The following FILIP1L variants were observed in gnomAD, a reference collection of about 807,000 sequenced individuals.
FILIP1L encodes filamin A-interacting protein 1-like.
Under a neutral mutation model 96.6 loss-of-function variants are expected in FILIP1L, and 55 were observed. That is an observed-to-expected ratio of 0.57 (90% CI 0.46 to 0.71). The LOEUF (loss-of-function observed/expected upper bound fraction) is 0.71. Ranked by LOEUF, FILIP1L falls within the 30% of genes least tolerant of loss-of-function variation. FILIP1L has a pLI of 0.00. For synonymous variants in FILIP1L, 467 were observed against 473.9 expected (o/e 0.99, Z 0.19); for missense variants, 1,304 against 1,321.2 (o/e 0.99, Z 0.20).
At chr3:100,046,739 A>C (rs896119987) in intron 1 of FILIP1L, among the ~76,000 whole-genome samples, 1 of 152,212 alleles carries the variant, frequency 6.6e-6, no homozygotes, top group Non-Finnish European at 1.5e-5. Context: ...AAATGCTCTC[A>C]AGATGGTTTT....
chr3:100,016,973 T>C (rs1262081015), intron 1 of FILIP1L, among the ~76,000 whole-genome samples: 1 of 152,206 alleles, frequency 6.6e-6, no homozygotes, highest in Non-Finnish European at 1.5e-5. Flanking sequence ...TTACATAAGA[T>C]TTGCTTTAAT....
At chr3:99,925,802 A>C in intron 3 of FILIP1L, 1 of 967,462 alleles carries the variant, frequency 1.0e-6, no homozygotes. Flanking sequence ...AGTAAAGAAC[A>C]TGCCAGTGGC....
At chr3:99,939,928 T>G (rs1412127481) in intron 1 of FILIP1L, among the ~76,000 whole-genome samples, 1 of 152,224 alleles carries the variant, frequency 6.6e-6, no homozygotes, top group African/African-American at 2.4e-5. Flanking sequence ...ATTTACTCTC[T>G]TTTTAGTTTG....
At chr3:99,915,186 C>T (rs529804045) in intron 4 of FILIP1L, among the ~76,000 whole-genome samples, 2 of 152,248 alleles carry the variant, frequency 1.3e-5, no homozygotes, top group South Asian at 2.1e-4. Context: ...CTCCCATGAC[C>T]ATGCTAACCG....
chr3:99,939,837 T>C (rs1286391126), intron 1 of FILIP1L, among the ~76,000 whole-genome samples: 1 of 152,246 alleles, frequency 6.6e-6, no homozygotes, highest in Non-Finnish European at 1.5e-5. Flanking sequence ...TCAATAATTT[T>C]AGTTTACAAA....
rs528833528 is a variant in FILIP1L at position 99,926,537 on chromosome 3, A to G, written c.427-2129T>C. 2.1e-3 allele frequency among the ~76,000 whole-genome samples: 324 copies of G among 152,366 alleles called. 1 individual carries two copies. Among genetic ancestry groups the G allele is most frequent in the African/African-American group, 7.3e-3 (305 of 41,586 alleles). Reference sequence around the variant, plus strand: ...TGCAATTTGAGAGTGAAATAGTGATAGGATCAGCTTTACTTTAGGGAAGTT... The same window carrying G: ...TGCAATTTGAGAGTGAAATAGTGATGGGATCAGCTTTACTTTAGGGAAGTT... On this transcript the variant is annotated intron_variant, in intron 3 of 5. Transcript: ENST00000477258.
At chr3:100,067,370 ACTAAGCAC>A (rs1295182217) in intron 1 of FILIP1L, among the ~76,000 whole-genome samples, 8 of 152,346 alleles carry the variant, frequency 5.3e-5, no homozygotes, top group Admixed American at 3.3e-4. Flanking sequence ...AAAGCAGGTA[ACTAAGCAC>A]CCTGGTGAAG....
chr3:100,105,428 A>T (rs949923113), intron 1 of FILIP1L, among the ~76,000 whole-genome samples: 1 of 152,206 alleles, frequency 6.6e-6, no homozygotes, highest in African/African-American at 2.4e-5. Context: ...TGCAATTCGT[A>T]TCTAACAATT....
intron 1 of FILIP1L, among the ~76,000 whole-genome samples, chr3:99,951,498 T>A (rs1403007346): frequency 6.6e-6 from 1 of 152,142 alleles, no homozygotes; most frequent in Non-Finnish European, 1.5e-5. Flanking sequence ...TAGTCCAGTC[T>A]CCCTGGTAAA....
At chr3:99,902,217 CA>C (rs1425239285) in intron 4 of FILIP1L, among the ~76,000 whole-genome samples, 1 of 152,142 alleles carries the variant, frequency 6.6e-6, no homozygotes. Flanking sequence ...TACCATGTGA[CA>C]TTTTTTTGAG....
At chr3:99,892,073 G>T (rs1460011796) in intron 4 of FILIP1L, among the ~76,000 whole-genome samples, 1 of 152,186 alleles carries the variant, frequency 6.6e-6, no homozygotes, top group Non-Finnish European at 1.5e-5. Context: ...GATGGTCTAA[G>T]AGCTTCTGCT....
chr3:100,020,834 C>A (rs748980911), intron 1 of FILIP1L, among the ~76,000 whole-genome samples: 16 of 121,890 alleles, frequency 1.3e-4, no homozygotes, highest in Middle Eastern at 7.2e-3. Flanking sequence ...GTGGCACGAT[C>A]TCAGCTCACT....
Position 99,848,871 on chromosome 3 carries a change from C to T in FILIP1L, c.2805G>A (p.Val935=). 1 of 1,614,070 alleles carries T rather than the reference C, an allele frequency of 6.2e-7. No individual in the cohort carries two copies. Among genetic ancestry groups the T allele is most frequent in the Non-Finnish European group, 8.5e-7 (1 of 1,180,000 alleles). Residue 935 remains valine (V), a synonymous_variant, in exon 5 of 6, where the codon GTG becomes GTA. Transcript: ENST00000477258. ...GCTTTGGCGTGCCACAGTTCGGTATCACTGCAGTACTCGTGTAAGAGTGAG... is the reference window on the plus strand; with the variant it reads ...GCTTTGGCGTGCCACAGTTCGGTATTACTGCAGTACTCGTGTAAGAGTGAG... ...ESPHSYTSTA[V]IPNCGTPKQR...
rs751454474 is a variant in FILIP1L, at chr3:99,850,003, T to C, written c.1673A>G (p.Tyr558Cys). 6.2e-7 allele frequency: 1 copy of C among 1,608,700 alleles called. No individual in the cohort carries two copies. The highest frequency in any genetic ancestry group is 8.5e-7 in the Non-Finnish European group (1 of 1,178,766). Residue 558 changes from tyrosine to cysteine, a missense_variant, in exon 5 of 6, where the codon TAC (tyrosine) becomes TGC (cysteine). Transcript: ENST00000477258. ...KSKTDVEEKMYSVTKERDDLK... is the reference protein window; with the variant it reads ...KSKTDVEEKMCSVTKERDDLK... ...ATCATCTCTCTCCTTGGTTACGCTG[T>C]ACATCTTTTCTTCTACATCGGTTTT...
intron 1 of FILIP1L, among the ~76,000 whole-genome samples, chr3:99,957,157 A>T (rs958122538): frequency 6.6e-5 from 10 of 152,224 alleles, no homozygotes; most frequent in Non-Finnish European, 1.3e-4. Context: ...AAAATACTGT[A>T]TGAAGTAGAG....
At chr3:99,974,221 G>A (rs534882110) in intron 1 of FILIP1L, among the ~76,000 whole-genome samples, 4 of 152,278 alleles carry the variant, frequency 2.6e-5, no homozygotes, top group South Asian at 2.1e-4. Context: ...AGGACTTGTC[G>A]TTTTTATCTT....
chr3:100,014,895 C>CTTTTTTTTTTTTTTTTTTTTTTTTT (rs1233573719), intron 1 of FILIP1L, among the ~76,000 whole-genome samples: 10 of 25,012 alleles, frequency 4.0e-4, no homozygotes, highest in East Asian at 1.3e-3. Context: ...TTCTTTCTTT[C>CTTTTTTTTTTTTTTTTTTTTTTTTT]TTTTTTTTTT....
In FILIP1L at chr3:99,874,477, G is replaced by A. The variant is rs1705402753; in HGVS notation, c.606-23407C>T. 3 of 152,134 alleles carry A rather than the reference G, an allele frequency of 2.0e-5. No individual in the cohort carries two copies. In the South Asian group the frequency reaches 6.2e-4, roughly 31 times the overall value. 9.4% of individuals were successfully genotyped at this position (152,134 alleles called of 1,614,324 possible). A position where few individuals can be genotyped will look rare whatever the true frequency, so the allele number is the denominator to read the frequency against. On this transcript the variant is annotated intron_variant, in intron 4 of 5. Coordinates refer to ENST00000477258, the MANE Select transcript of FILIP1L (RefSeq NM_001387850.1). ...TGTTGGCCCCGCTCTTCTCATTATGGTGGGCTTCCCTAGGTTTGAAATAAT... is the reference window on the plus strand; with the variant it reads ...TGTTGGCCCCGCTCTTCTCATTATGATGGGCTTCCCTAGGTTTGAAATAAT...
intron 1 of FILIP1L, among the ~76,000 whole-genome samples, chr3:100,016,385 A>G (rs1409715337): frequency 6.6e-6 from 1 of 152,104 alleles, no homozygotes; most frequent in Non-Finnish European, 1.5e-5. Flanking sequence ...GAGGCAGGGT[A>G]TCTCCATGTT....
Sources: gnomAD v4.1 joint callset for allele counts (sites outside exome capture counted in the v4.1 genomes callset) on GRCh38, gnomAD v4.1.1 for gene constraint, MANE v1.5 for transcripts, NCBI Gene and HGNC (gene_info 2026-07-23, HGNC 2026-07-21) for gene names.